Variants in RYR2 observed in about 807,000 individuals in gnomAD.
RYR2 encodes the protein ryanodine receptor 2.
A neutral mutation model predicts 601.1 loss-of-function variants in RYR2; 227 were observed. The ratio of observed to expected loss-of-function variants is 0.38; its 90% CI spans 0.34 to 0.42. The LOEUF is 0.42. Ranked by LOEUF, RYR2 falls within the 10% of genes least tolerant of loss-of-function variation. The pLI, the probability that RYR2 is intolerant of heterozygous loss-of-function variation, is 1.00. For synonymous variants in RYR2, 2,223 were observed against 2,175.1 expected (o/e 1.02, Z -0.61); for missense variants, 4,646 against 6,156.5 (o/e 0.75, Z 8.21).
chr1:237,694,293 CAAA>C (rs35085689), intron 63 of RYR2, among the ~76,000 whole-genome samples: 12 of 91,898 alleles, frequency 1.3e-4, no homozygotes, highest in Admixed American at 1.3e-4. Context: ...GACTCCCTCT[CAAA>C]AAAAAAAAAA....
At position 237,654,339 on chromosome 1, in the gene RYR2, T is replaced by C. The variant is rs1683041720; in HGVS notation, c.7890T>C (p.Phe2630=). Residue 2630 remains phenylalanine, a synonymous_variant, in exon 52 of 105, where the codon TTT becomes TTC. Coordinates refer to ENST00000366574, the MANE Select transcript of RYR2 (RefSeq NM_001035.3). ...YYCLPGGWGN[F]GAASEEELHL... Reference sequence around the variant, plus strand: ...GCCTGCCTGGAGGGTGGGGAAACTTTGGTGCTGCCTCAGAAGAAGAACTTC... The same window carrying C: ...GCCTGCCTGGAGGGTGGGGAAACTTCGGTGCTGCCTCAGAAGAAGAACTTC... 1.2e-6 allele frequency: 2 copies of C among 1,613,828 alleles called. No individual in the cohort carries two copies. The highest frequency in any genetic ancestry group is 1.7e-6 in the Non-Finnish European group (2 of 1,179,860).
intron 16 of RYR2, among the ~76,000 whole-genome samples, chr1:237,462,296 G>A (rs1388687683): frequency 6.6e-6 from 1 of 152,058 alleles, no homozygotes; most frequent in Non-Finnish European, 1.5e-5. Flanking sequence ...CAAGAAGGTG[G>A]GAATAAGAAT....
chr1:237,369,415 CT>C (rs2149754618), intron 5 of RYR2, 118 bp from the exon 6 acceptor site: 1 of 851,888 alleles, frequency 1.2e-6, no homozygotes, highest in African/African-American at 1.7e-5. Flanking sequence ...TGCAAGAGCT[CT>C]TAATACATTC....
At chr1:237,057,274 C>T (rs1314043466) in intron 1 of RYR2, among the ~76,000 whole-genome samples, 2 of 152,104 alleles carry the variant, frequency 1.3e-5, no homozygotes, top group Non-Finnish European at 2.9e-5. Flanking sequence ...CAAGCTCCAC[C>T]TCCCGGGTTC....
chr1:237,787,842 G>A (rs1657838894), intron 91 of RYR2, 146 bp from the exon 92 acceptor site: 1 of 752,708 alleles, frequency 1.3e-6, no homozygotes, highest in East Asian at 2.7e-5. Context: ...CTAAAATTCA[G>A]AATATTATCA....
intron 1 of RYR2, among the ~76,000 whole-genome samples, chr1:237,164,187 T>G (rs951339961): frequency 5.3e-5 from 8 of 152,176 alleles, no homozygotes; most frequent in Non-Finnish European, 1.2e-4. Context: ...GTCAGGTGGC[T>G]GAGGCGAGAG....
intron 2 of RYR2, 86 bp from the exon 3 acceptor site, chr1:237,330,791 GA>G: frequency 1.0e-6 from 1 of 962,178 alleles, no homozygotes. Flanking sequence ...CTGTTTCTAT[GA>G]AAGAAACTGG....
chr1:237,353,203 CT>C (rs1351694979), intron 3 of RYR2, among the ~76,000 whole-genome samples: 1 of 117,362 alleles, frequency 8.5e-6, no homozygotes, highest in East Asian at 4.4e-4. Flanking sequence ...AGCAAGCAAA[CT>C]TTTTTTAAAA....
chr1:237,785,563 A>C (rs921072846), intron 90 of RYR2, among the ~76,000 whole-genome samples: 2 of 152,228 alleles, frequency 1.3e-5, no homozygotes, highest in African/African-American at 4.8e-5. Context: ...TAACTGTGAA[A>C]TAGTATAGGC....
intron 76 of RYR2, among the ~76,000 whole-genome samples, chr1:237,729,567 A>G (rs957009711): frequency 1.3e-5 from 2 of 152,172 alleles, no homozygotes; most frequent in African/African-American, 2.4e-5. Flanking sequence ...CTCTCATTCT[A>G]TCACATCTGT....
Position 237,098,387 on chromosome 1 carries a change from ATGTGTG to A in RYR2, c.48+55849_48+55854del, listed in dbSNP as rs937631817. Among the ~76,000 whole-genome samples, 135 of 47,376 alleles carry A rather than the reference ATGTGTG, an allele frequency of 2.8e-3. 1 individual carries two copies. Among genetic ancestry groups the A allele is most frequent in the South Asian group, 0.02 (20 of 978 alleles). The allele number at this position is 47,376 out of a possible 152,430, so 31.1% of individuals were successfully genotyped here. A position where few individuals can be genotyped will look rare whatever the true frequency, so the allele number is the denominator to read the frequency against. On this transcript the variant is annotated intron_variant, in intron 1 of 104. Transcript: ENST00000366574. ...ACCTCACATAGTTGCCATTGTGTGT[ATGTGTG>A]TGTGTGTGTGTGTGTGTGTGTGTGT...
At chr1:237,805,000 C>T (rs1254946683) in intron 98 of RYR2, among the ~76,000 whole-genome samples, 1 of 151,976 alleles carries the variant, frequency 6.6e-6, no homozygotes, top group Non-Finnish European at 1.5e-5. Flanking sequence ...GAGGTGGGGT[C>T]GGTGCTATTG....
chr1:237,371,889 G>T (rs1700672146), intron 6 of RYR2, among the ~76,000 whole-genome samples: 1 of 152,264 alleles, frequency 6.6e-6, no homozygotes, highest in East Asian at 1.9e-4. Flanking sequence ...ACACACCGGG[G>T]CCTGTCGTGG....
intron 16 of RYR2, among the ~76,000 whole-genome samples, chr1:237,464,819 C>G (rs1659887393): frequency 2.6e-5 from 4 of 152,230 alleles, no homozygotes; most frequent in Middle Eastern, 3.4e-3. Context: ...TAACTATAAA[C>G]CTTCATCAGA....
At position 237,705,281 on chromosome 1, in the gene RYR2, C is replaced by T. The variant is rs746161154; in HGVS notation, c.9518C>T (p.Thr3173Ile). 1.3e-5 allele frequency: 21 copies of T among 1,604,870 alleles called. No homozygotes were observed. The African/African-American group carries it at 2.7e-4, about 20-fold the overall frequency. Residue 3173 changes from threonine (T) to isoleucine (I), a missense_variant, in exon 67 of 105, where the codon ACT (threonine) becomes ATT (isoleucine). Physicochemically the swap from Thr to Ile is moderately conservative, Grantham distance 89. Around this residue, in one of 17 missense-constraint regions of RYR2, gnomAD observed 1,497 missense variants for 1,842.6 expected, o/e 0.81. Coordinates refer to ENST00000366574, the MANE Select transcript of RYR2 (RefSeq NM_001035.3). ...AGAFPVAFLETHLDKHNIYSI... is the reference protein window; with the variant it reads ...AGAFPVAFLEIHLDKHNIYSI... ...GCTTTTCCTGTAGCATTTTTGGAAACTCATCTGGACAAACATAATATTTAC... is the reference window on the plus strand; with the variant it reads ...GCTTTTCCTGTAGCATTTTTGGAAATTCATCTGGACAAACATAATATTTAC...
intron 29 of RYR2, among the ~76,000 whole-genome samples, chr1:237,584,649 G>GTT (rs61131096): frequency 0.013 from 960 of 72,428 alleles, 81 homozygotes; most frequent in East Asian, 0.054. Flanking sequence ...CTCACCACCT[G>GTT]TTTTTTTTTT....
Position 237,709,506 on chromosome 1 carries a change from C to T in RYR2, c.10169C>T (p.Pro3390Leu), listed in dbSNP as rs1169303401. The change falls in exon 70 of 105, where the codon CCA becomes CTA. Residue 3390 changes from proline (P) to leucine (L), a missense_variant. Around this residue, in one of 17 missense-constraint regions of RYR2, gnomAD observed 1,497 missense variants for 1,842.6 expected, o/e 0.81. Coordinates refer to ENST00000366574, the MANE Select transcript of RYR2 (RefSeq NM_001035.3). ...GCAAAGTGGCTAAAGGAGCCTAACC[C>T]AGAAGCAGAGGAGCTCTTCCGCATG... ...NRAKWLKEPN[P>L]EAEELFRMVA... The T allele has an allele frequency of 6.2e-7, 1 of 1,611,956 alleles. No homozygotes were observed. Among genetic ancestry groups the T allele is most frequent in the Non-Finnish European group, 8.5e-7 (1 of 1,178,792 alleles).
intron 84 of RYR2, among the ~76,000 whole-genome samples, chr1:237,767,299 T>C (rs1228102624): frequency 6.6e-6 from 1 of 152,190 alleles, no homozygotes; most frequent in Non-Finnish European, 1.5e-5. Flanking sequence ...ATGGTAACTT[T>C]ACAACATTTA....
At position 237,733,712 on chromosome 1, in the gene RYR2, G is replaced by A. The variant is rs754276282; in HGVS notation, c.11047G>A (p.Glu3683Lys). Reference protein sequence around the residue: ...RTALTEKCKLEEDFLYMAYAD... With the variant: ...RTALTEKCKLKEDFLYMAYAD... ...TCTTCTTGCTTTCCCCAGCAAACTG[G>A]AGGAAGATTTTTTATATATGGCCTA... is the stretch of plus-strand genomic sequence containing the variant. The change falls in exon 79 of 105, where the codon GAG (glutamate) becomes AAG (lysine). Residue 3683 changes from glutamate (E) to lysine (K), a missense_variant. Physicochemically the swap from Glu to Lys is moderately conservative, Grantham distance 56. Transcript: ENST00000366574. 1.9e-6 allele frequency: 3 copies of A among 1,609,690 alleles called. No individual in the cohort carries two copies. The highest frequency in any genetic ancestry group is 2.2e-5 in the East Asian group (1 of 44,840).
Sources: allele counts gnomAD v4.1 joint callset (sites outside exome capture counted in the v4.1 genomes callset), GRCh38; gene constraint gnomAD v4.1.1; regional missense constraint gnomAD v4.1.1; transcripts MANE v1.5; gene names NCBI Gene and HGNC (gene_info 2026-07-23, HGNC 2026-07-21).